The following STAT3 variants were observed in gnomAD, a reference collection of about 807,000 sequenced individuals.
STAT3 encodes the protein DNA-binding protein APRF.
STAT3 carries 7 observed loss-of-function variants against 114.3 expected under a neutral mutation model. That is an observed-to-expected ratio of 0.06 (90% CI 0.03 to 0.11). The LOEUF (loss-of-function observed/expected upper bound fraction) is 0.11. Ranked by LOEUF, STAT3 falls within the 10% of genes least tolerant of loss-of-function variation. The probability of loss-of-function intolerance (pLI) is 1.00; values close to 1 mark genes in which losing one functional copy is unlikely to be tolerated. For synonymous variants in STAT3, 331 were observed against 354.5 expected, an observed-to-expected ratio of 0.93 and a Z score of 0.74; for missense variants, 364 against 960.9, an observed-to-expected ratio of 0.38 and a Z score of 8.21.
At chr17:42,330,882 T>C (rs1598409288) in intron 11 of STAT3, among the ~76,000 whole-genome samples, 1 of 152,174 alleles carries the variant, frequency 6.6e-6, no homozygotes, top group Non-Finnish European at 1.5e-5. Context: ...GGAAAGAATA[T>C]ATAACGACGT....
chr17:42,350,193 T>A (rs1567733282), intron 1 of STAT3, among the ~76,000 whole-genome samples: 1 of 152,182 alleles, frequency 6.6e-6, no homozygotes, highest in Non-Finnish European at 1.5e-5. Context: ...CACGCAAACA[T>A]ACTAGAGTTC....
At chr17:42,356,989 T>C (rs1182984832) in intron 1 of STAT3, among the ~76,000 whole-genome samples, 1 of 151,908 alleles carries the variant, frequency 6.6e-6, no homozygotes. Context: ...CGCTTCACCA[T>C]GTTGGCCAGG....
At chr17:42,348,834 C>T (rs2082812647) in intron 1 of STAT3, among the ~76,000 whole-genome samples, 1 of 151,862 alleles carries the variant, frequency 6.6e-6, no homozygotes, top group African/African-American at 2.4e-5. Flanking sequence ...CCTGTTTCTC[C>T]CAGTTTAGAA....
intron 1 of STAT3, among the ~76,000 whole-genome samples, chr17:42,372,116 T>C (rs1356688522): frequency 6.6e-6 from 1 of 152,210 alleles, no homozygotes; most frequent in Non-Finnish European, 1.5e-5. Flanking sequence ...TCACTGCTGA[T>C]GGGAATGTAT....
Position 42,316,865 on chromosome 17 carries a change from G to GGACATC in STAT3, c.2175_2180dup (p.Met726_Ser727dup). On this transcript the variant is annotated inframe_insertion, in exon 23 of 24. Coordinates refer to ENST00000264657, the MANE Select transcript of STAT3 (RefSeq NM_139276.3). ...GCATCAATGAATCTAAAGTGCGGGGGGACATCGGCAGGTCAATGGTATTGC... is the reference window on the plus strand; with the variant it reads ...GCATCAATGAATCTAAAGTGCGGGGGGACATCGACATCGGCAGGTCAATGGTATTGC... 1 of 1,613,352 alleles carries GGACATC rather than the reference G, an allele frequency of 6.2e-7. No individual in the cohort carries two copies. Among genetic ancestry groups the GGACATC allele is most frequent in the Non-Finnish European group, 8.5e-7 (1 of 1,179,898 alleles).
chr17:42,323,166 ATGT>A, intron 19 of STAT3, 23 bp from the exon 20 acceptor site: 1 of 1,614,160 alleles, frequency 6.2e-7, no homozygotes, highest in Non-Finnish European at 8.5e-7. Flanking sequence ...AGGAGGAACA[ATGT>A]TGTTATTGCT....
At chr17:42,322,871 T>C in intron 20 of STAT3, 133 bp downstream of exon 20, 2 of 1,287,096 alleles carry the variant, frequency 1.6e-6, no homozygotes, top group Non-Finnish European at 2.2e-6. Flanking sequence ...CGCAAATGTG[T>C]TTTGCGAGTC....
At chr17:42,386,887 C>T (rs2145424898) in intron 1 of STAT3, 1 of 152,276 alleles carries the variant, frequency 6.6e-6, no homozygotes, top group East Asian at 1.9e-4. Context: ...TGAACAAAAA[C>T]TGGGCTAGCA....
chr17:42,324,674 G>T lies in STAT3; in HGVS notation c.1600+37C>A. On this transcript the variant is annotated intron_variant, in intron 17 of 23. Coordinates refer to ENST00000264657, the MANE Select transcript of STAT3 (RefSeq NM_139276.3). This position sits in a 1 kb window ranked among gnomAD's most constrained non-coding sequence, Gnocchi z 4.5. ...CCTATGGGCCGGATCCCTTTTCTGG[G>T]CGGGTGGGCGGGAGGGAGAAGGGGT... 1 of 1,182,936 alleles carries T rather than the reference G, an allele frequency of 8.5e-7. No homozygotes were observed. The highest frequency in any genetic ancestry group is 2.7e-4 in the Middle Eastern group (1 of 3,704). The allele number at this position is 1,182,936 out of a possible 1,614,324, so 73.3% of individuals were successfully genotyped here.
chr17:42,335,937 C>G (rs922627380), intron 8 of STAT3, among the ~76,000 whole-genome samples: 7 of 151,990 alleles, frequency 4.6e-5, no homozygotes. Context: ...GTAACAAAGA[C>G]CAAAAGACCA....
intron 4 of STAT3, among the ~76,000 whole-genome samples, chr17:42,343,268 A>G (rs2082530438): frequency 6.6e-6 from 1 of 151,800 alleles, no homozygotes; most frequent in African/African-American, 2.4e-5. Context: ...GGTCACGGAG[A>G]AAAAGAAAAA....
chr17:42,343,510 A>G (rs1463993374), intron 4 of STAT3, among the ~76,000 whole-genome samples: 1 of 131,910 alleles, frequency 7.6e-6, no homozygotes, highest in Non-Finnish European at 1.5e-5. Context: ...CCAGGAGTGC[A>G]GTGGCGCAAT....
intron 4 of STAT3, among the ~76,000 whole-genome samples, chr17:42,340,716 G>T (rs1389577087): frequency 1.3e-5 from 2 of 152,096 alleles, no homozygotes; most frequent in East Asian, 3.9e-4. Context: ...TTTTGGGAAG[G>T]TGACCCATGC....
Position 42,384,610 on chromosome 17 carries a change from G to A in STAT3, c.-24+3669C>T, listed in dbSNP as rs563201138. ...CACTCTGTCACCCAGGCTGGAGTGC[G>A]GTGGCGGGATCACGGCTCACTGCAG... On this transcript the variant is annotated intron_variant, in intron 1 of 23. Transcript: ENST00000264657. Among the ~76,000 whole-genome samples, 44 of 151,180 alleles carry A rather than the reference G, an allele frequency of 2.9e-4. 1 individual carries two copies. The highest frequency in any genetic ancestry group is 2.6e-3 in the Admixed American group (40 of 15,130).
Position 42,337,402 on chromosome 17 carries a change from A to G in STAT3, c.797+33T>C. 1 of 1,611,354 alleles carries G rather than the reference A, an allele frequency of 6.2e-7. No homozygotes were observed. Among genetic ancestry groups the G allele is most frequent in the Non-Finnish European group, 8.5e-7 (1 of 1,177,800 alleles). On this transcript the variant is annotated intron_variant, in intron 8 of 23. Coordinates refer to ENST00000264657, the MANE Select transcript of STAT3 (RefSeq NM_139276.3). This position sits in a 1 kb window ranked among gnomAD's most constrained non-coding sequence, Gnocchi z 4.0. ...AGATCAGAATTCAATCTAGCTTTCG[A>G]GAAAGAAAGGAAAAGCTTCTTTCAT...
chr17:42,344,208 G>C (rs1178630234), intron 4 of STAT3, among the ~76,000 whole-genome samples: 1 of 152,060 alleles, frequency 6.6e-6, no homozygotes, highest in Non-Finnish European at 1.5e-5. Flanking sequence ...GGATCACGAG[G>C]TCAAGAGATC....
Position 42,315,758 on chromosome 17 carries a change from G to A in STAT3, c.2300C>T (p.Thr767Ile). ...GTTCTCAGCTCCTCACATGGGGGAG[G>A]TAGCGCACTCCGAGGTCAACTCCAT... is the stretch of plus-strand genomic sequence containing the variant. ...FDMELTSECA[T>I]SPM Residue 767 changes from threonine (T) to isoleucine (I), a missense_variant, in exon 24 of 24, where the codon ACC (threonine) becomes ATC (isoleucine). Thr to Ile is a moderately conservative substitution (Grantham distance 89). This residue lies in a region of STAT3 where 37 missense variants were observed against 66.5 expected (regional missense o/e 0.56). Coordinates refer to ENST00000264657, the MANE Select transcript of STAT3 (RefSeq NM_139276.3). The A allele has an allele frequency of 1.2e-6, 2 of 1,614,086 alleles. No individual in the cohort carries two copies. The highest frequency in any genetic ancestry group is 2.2e-5 in the East Asian group (1 of 44,880).
At chr17:42,345,751 G>A (rs1055569380) in intron 3 of STAT3, 94 bp from the exon 4 acceptor site, 1 of 1,184,950 alleles carries the variant, frequency 8.4e-7, no homozygotes, top group African/African-American at 1.5e-5. Context: ...ATTCATCAAG[G>A]AAAGCATTTA....
chr17:42,337,353 A>G lies in STAT3; in HGVS notation c.797+82T>C. On this transcript the variant is annotated intron_variant, in intron 8 of 23. Transcript: ENST00000264657. This position sits in a 1 kb window ranked among gnomAD's most constrained non-coding sequence, Gnocchi z 4.0. ...AAAGTCCCCACGTTGGAGATATAGT[A>G]CCAATTCTGTGGGCCTGCAGTTAAG... 1 of 1,575,596 alleles carries G rather than the reference A, an allele frequency of 6.3e-7. No homozygotes were observed. The highest frequency in any genetic ancestry group is 8.7e-7 in the Non-Finnish European group (1 of 1,155,704).
Sources: gnomAD v4.1 joint callset for allele counts (sites outside exome capture counted in the v4.1 genomes callset) on GRCh38, gnomAD v4.1.1 for gene constraint, gnomAD v4.1.1 regional missense constraint, Gnocchi (gnomAD v3.1) non-coding constraint, MANE v1.5 for transcripts, NCBI Gene and HGNC (gene_info 2026-07-23, HGNC 2026-07-21) for gene names.